Variants in SETDB1 observed in about 807,000 individuals in gnomAD.
The protein encoded by SETDB1 is histone-lysine N-methyltransferase SETDB1.
In SETDB1, 31 loss-of-function variants were observed where a neutral mutation model predicts 137.4. The observed-to-expected ratio is 0.23, with a 90% CI of 0.17 to 0.30. The LOEUF (loss-of-function observed/expected upper bound fraction) is 0.30. Among genes scored for constraint, SETDB1 ranks in the 10% least tolerant of loss-of-function variants. The pLI, the probability that SETDB1 is intolerant of heterozygous loss-of-function variation, is 1.00. For missense variants in SETDB1, 1,113 were observed against 1,631.5 expected, an observed-to-expected ratio of 0.68 and a Z score of 5.47; for synonymous variants, 548 against 579.9, an observed-to-expected ratio of 0.95 and a Z score of 0.79.
chr1:150,938,826 CTTTTT>C (rs368724725), intron 3 of SETDB1, among the ~76,000 whole-genome samples: 1 of 131,968 alleles, frequency 7.6e-6, no homozygotes, highest in Non-Finnish European at 1.6e-5. Flanking sequence ...TTTTATCCTA[CTTTTT>C]TTTTTTTTTT....
At chr1:150,963,466 T>C in intron 19 of SETDB1, 64 bp from the exon 20 acceptor site, 1 of 1,299,800 alleles carries the variant, frequency 7.7e-7, no homozygotes. Flanking sequence ...AGAATGTCCA[T>C]TCATGATAGA....
chr1:150,927,870 T>G lies in SETDB1; in HGVS notation c.156T>G (p.Asp52Glu). 12 of 1,614,114 alleles carry G rather than the reference T, an allele frequency of 7.4e-6. 1 individual carries two copies. Among genetic ancestry groups the G allele is most frequent in the South Asian group, 3.3e-5 (3 of 91,082 alleles). Residue 52 changes from aspartate (D) to glutamate (E), a missense_variant, in exon 2 of 22, where the codon GAT (aspartate) becomes GAG (glutamate). By Grantham distance (45) the Asp-to-Glu change is conservative (BLOSUM62 2). This residue lies in a region of SETDB1 where 159 missense variants were observed against 188.6 expected (regional missense o/e 0.84). Coordinates refer to ENST00000692827, the MANE Select transcript of SETDB1 (RefSeq NM_001366418.1). ...HFIDEELEKM[D>E]CVQQRKKQLA... is the part of the protein sequence containing the mutation. ...TCGATGAGGAACTGGAGAAGATGGA[T>G]TGTGTACAGCAACGCAAGAAGCAGC...
chr1:150,928,030 G>A (rs1440922268), intron 2 of SETDB1, 56 bp downstream of exon 2: 2 of 1,565,492 alleles, frequency 1.3e-6, no homozygotes, highest in Non-Finnish European at 1.8e-6. Flanking sequence ...TGTTTTTAGA[G>A]AATAATTGTT....
At chr1:150,958,254 C>CTTTTTTTTTTTTTTTTTTTTTTTTTTTT (rs374122454) in intron 14 of SETDB1, among the ~76,000 whole-genome samples, 10 of 94,068 alleles carry the variant, frequency 1.1e-4, no homozygotes, top group Non-Finnish European at 1.8e-4. Flanking sequence ...TTTCTTTTTT[C>CTTTTTTTTTTTTTTTTTTTTTTTTTTTT]TTTTTTTTTT....
intron 3 of SETDB1, among the ~76,000 whole-genome samples, chr1:150,933,779 C>CTTTTTT (rs890205371): frequency 1.8e-3 from 37 of 20,082 alleles, no homozygotes; most frequent in East Asian, 5.2e-3. Flanking sequence ...TTTTCTTTTT[C>CTTTTTT]TTTTTTTTTT....
At chr1:150,963,293 T>A in intron 19 of SETDB1, 154 bp downstream of exon 19, 1 of 746,208 alleles carries the variant, frequency 1.3e-6, no homozygotes, top group Non-Finnish European at 2.2e-6. Context: ...AGCTAAACTA[T>A]TGTTTGACAC....
rs587605949 is a variant in SETDB1, at chr1:150,940,028, A to G, written c.447+54A>G. The stretch of plus-strand genomic sequence containing the variant: ...GAGATAAGAATATGAAAATAGGAGA[A>G]TTTTTTGGCCTAACCATTTAATCAG... On this transcript the variant is annotated intron_variant, in intron 4 of 21. Coordinates refer to ENST00000692827, the MANE Select transcript of SETDB1 (RefSeq NM_001366418.1). The G allele has an allele frequency of 1.1e-5, 16 of 1,445,782 alleles. No homozygotes were observed. The South Asian group carries it at 1.4e-4, about 13-fold the overall frequency. 89.6% of individuals were successfully genotyped at this position (1,445,782 alleles called of 1,614,324 possible).
intron 9 of SETDB1, among the ~76,000 whole-genome samples, chr1:150,945,953 T>C (rs892199013): frequency 2.0e-5 from 3 of 151,886 alleles, no homozygotes; most frequent in Non-Finnish European, 2.9e-5. Context: ...CCACCTGCCT[T>C]GTCCTCCCAA....
chr1:150,927,047 A>T (rs1243793968), intron 1 of SETDB1, among the ~76,000 whole-genome samples: 1 of 152,268 alleles, frequency 6.6e-6, no homozygotes, highest in African/African-American at 2.4e-5. Context: ...ACAAAGATTT[A>T]TCACATTAGT....
intron 14 of SETDB1, 76 bp from the exon 15 acceptor site, chr1:150,959,102 A>G: frequency 9.5e-7 from 1 of 1,052,400 alleles, no homozygotes; most frequent in South Asian, 1.9e-5. Context: ...ATAGCTTAAG[A>G]ATTATAATAG....
chr1:150,960,792 C>T lies in SETDB1; in HGVS notation c.2733C>T (p.Phe911=). The part of the protein sequence containing the change: ...ESNDDSSDDN[F]CKDEDFSTSS... ...ATGATGATAGCTCAGATGATAACTT[C>T]TGTAAGGATGAGGACTTCAGCACCA... is the stretch of plus-strand genomic sequence containing the variant. Residue 911 remains phenylalanine, a synonymous_variant, in exon 16 of 22, where the codon TTC becomes TTT. Coordinates refer to ENST00000692827, the MANE Select transcript of SETDB1 (RefSeq NM_001366418.1). 5 of 1,609,692 alleles carry T rather than the reference C, an allele frequency of 3.1e-6. No homozygotes were observed. Among genetic ancestry groups the T allele is most frequent in the Non-Finnish European group, 4.2e-6 (5 of 1,177,952 alleles).
At chr1:150,942,446 C>A (rs200204537) in intron 5 of SETDB1, 117 bp from the exon 6 acceptor site, 39 of 672,080 alleles carry the variant, frequency 5.8e-5, no homozygotes, top group Admixed American at 1.0e-4. Context: ...GACTCCATCT[C>A]AAAAAAAAAA....
In SETDB1 at chr1:150,930,114, T is replaced by C; in HGVS notation, c.408T>C (p.Asp136=). Reference sequence around the variant, plus strand: ...AAGATGATGATGTCCTCAGTATTGATTCAGGTAAGGGATGAGCTTTGGATA... The same window carrying C: ...AAGATGATGATGTCCTCAGTATTGACTCAGGTAAGGGATGAGCTTTGGATA... ...PDEDDDVLSI[D]SGDAGSRTPK... is the part of the protein sequence containing the mutation. The change falls in exon 3 of 22, where the codon GAT becomes GAC. Residue 136 remains aspartate (D), a synonymous_variant. Transcript: ENST00000692827. The C allele has an allele frequency of 6.2e-7, 1 of 1,613,476 alleles. No individual in the cohort carries two copies.
At chr1:150,960,345 C>T (rs587659649) in intron 15 of SETDB1, among the ~76,000 whole-genome samples, 3 of 150,792 alleles carry the variant, frequency 2.0e-5, no homozygotes, top group Admixed American at 6.6e-5. Flanking sequence ...GGCATGGTGG[C>T]GTGCACCTGT....
chr1:150,939,971 G>C lies in SETDB1; in HGVS notation c.444G>C (p.Gln148His). ...GDAGSRTPKD[Q>H]KLREAMAALR... Reference sequence around the variant, plus strand: ...CTGGGAGCAGAACTCCAAAAGACCAGAAGGTAAGTTAGGATGGTAAGGGAA... The same window carrying C: ...CTGGGAGCAGAACTCCAAAAGACCACAAGGTAAGTTAGGATGGTAAGGGAA... Residue 148 changes from glutamine to histidine, a missense_variant, in exon 4 of 22, where the codon CAG (glutamine) becomes CAC (histidine). This residue lies in a region of SETDB1 where 159 missense variants were observed against 188.6 expected (regional missense o/e 0.84). Transcript: ENST00000692827. 2 of 1,612,694 alleles carry C rather than the reference G, an allele frequency of 1.2e-6. No individual in the cohort carries two copies. The highest frequency in any genetic ancestry group is 1.7e-6 in the Non-Finnish European group (2 of 1,178,800).
At chr1:150,928,249 G>C in intron 2 of SETDB1, 2 of 413,414 alleles carry the variant, frequency 4.8e-6, no homozygotes, top group Non-Finnish European at 8.9e-6. Context: ...AGTAGAGACA[G>C]GGTTTCACCA....
chr1:150,960,482 A>G, intron 15 of SETDB1, 81 bp from the exon 16 acceptor site: 2 of 1,231,060 alleles, frequency 1.6e-6, no homozygotes, highest in Admixed American at 2.4e-5. Flanking sequence ...ATCTGGAAAA[A>G]AAAAAAAAAA....
intron 3 of SETDB1, among the ~76,000 whole-genome samples, chr1:150,939,251 A>T (rs1184139430): frequency 5.7e-4 from 61 of 107,162 alleles, no homozygotes; most frequent in East Asian, 8.5e-4. Context: ...TGCACCCAGC[A>T]TTTTTTTTTT....
chr1:150,960,203 G>C (rs996538814), intron 15 of SETDB1, among the ~76,000 whole-genome samples: 3 of 151,966 alleles, frequency 2.0e-5, no homozygotes, highest in African/African-American at 7.3e-5. Context: ...GCCGGGTGCG[G>C]TGGCTAACAC....
Sources: allele counts gnomAD v4.1 joint callset (sites outside exome capture counted in the v4.1 genomes callset), GRCh38; gene constraint gnomAD v4.1.1; regional missense constraint gnomAD v4.1.1; transcripts MANE v1.5; gene names NCBI Gene and HGNC (gene_info 2026-07-23, HGNC 2026-07-21).